ATP1A3: variants seen among roughly 807,000 people sequenced by gnomAD.
ATP1A3 encodes the protein sodium/potassium-transporting ATPase subunit alpha-3.
Under a neutral mutation model 108.8 loss-of-function variants are expected in ATP1A3, and 12 were observed. The ratio of observed to expected loss-of-function variants is 0.11; its 90% CI spans 0.07 to 0.18. ATP1A3 has a LOEUF of 0.18. Among genes scored for constraint, ATP1A3 ranks in the 10% least tolerant of loss-of-function variants. The pLI, the probability that ATP1A3 is intolerant of heterozygous loss-of-function variation, is 1.00. For synonymous variants in ATP1A3, 539 were observed against 564.5 expected, an observed-to-expected ratio of 0.95 and a Z score of 0.64; for missense variants, 498 against 1,387.7, an observed-to-expected ratio of 0.36 and a Z score of 10.19.
rs2075198035 is a variant in ATP1A3, at chr19:41,978,660, C to G, written c.1576G>C (p.Glu526Gln). Residue 526 changes from glutamate (E) to glutamine (Q), a missense_variant, in exon 12 of 23, where the codon GAG becomes CAG. Physicochemically the swap from Glu to Gln is conservative, Grantham distance 29. Around this residue, in one of 9 missense-constraint regions of ATP1A3, gnomAD observed 92 missense variants for 168.7 expected, o/e 0.55. Transcript: ENST00000648268. The surrounding 1 kb of genome is among the most constrained non-coding windows in gnomAD (Gnocchi z 8.3). ...KEQPLDEEMK[E>Q]AFQNAYLELG... ...TCAAGGTAGGCATTCTGGAAGGCCT[C>G]CTTCATTTCCTCGTCCAGAGGCTGC... 5 of 1,613,966 alleles carry G rather than the reference C, an allele frequency of 3.1e-6. No homozygotes were observed. Among genetic ancestry groups the G allele is most frequent in the Non-Finnish European group, 4.2e-6 (5 of 1,180,026 alleles).
rs1346647338 is a variant in ATP1A3, at chr19:41,966,686, G to C, written c.*251C>G. On this transcript the variant is annotated 3_prime_UTR_variant, in exon 23 of 23. Transcript: ENST00000648268. Reference sequence around the variant, plus strand: ...AAGAGCCCAGGGAGGTGGCTGGGGCGGGAGGAATGGATAGAGGGGTGAGGA... The same window carrying C: ...AAGAGCCCAGGGAGGTGGCTGGGGCCGGAGGAATGGATAGAGGGGTGAGGA... 1.3e-6 allele frequency: 2 copies of C among 1,534,236 alleles called. No individual in the cohort carries two copies. The highest frequency in any genetic ancestry group is 4.0e-5 in the Admixed American group (2 of 50,354).
Position 41,981,527 on chromosome 19 carries a change from G to A in ATP1A3, c.1412C>T (p.Pro471Leu), listed in dbSNP as rs781811202. 1 of 1,614,184 alleles carries A rather than the reference G, an allele frequency of 6.2e-7. No homozygotes were observed. The highest frequency in any genetic ancestry group is 1.1e-5 in the South Asian group (1 of 91,082). The stretch of plus-strand genomic sequence containing the variant: ...CTGGTATTTGTTGGTGGAATTGAAG[G>A]GAATCTCAGCCACTTTCTTGTTGCG... Reference protein sequence around the residue: ...RERNKKVAEIPFNSTNKYQLS... With the variant: ...RERNKKVAEILFNSTNKYQLS... Residue 471 changes from proline to leucine, a missense_variant, in exon 11 of 23, where the codon CCC (proline) becomes CTC (leucine). By Grantham distance (98) the Pro-to-Leu change is moderately conservative. This residue lies in a region of ATP1A3 where 92 missense variants were observed against 168.7 expected (regional missense o/e 0.55). Transcript: ENST00000648268. This position sits in a 1 kb window ranked among gnomAD's most constrained non-coding sequence, Gnocchi z 5.0.
At position 41,985,823 on chromosome 19, in the gene ATP1A3, G is replaced by A; in HGVS notation, c.606+41C>T. 2 of 1,610,504 alleles carry A rather than the reference G, an allele frequency of 1.2e-6. No individual in the cohort carries two copies. Among genetic ancestry groups the A allele is most frequent in the Non-Finnish European group, 1.7e-6 (2 of 1,179,512 alleles). On this transcript the variant is annotated intron_variant, in intron 6 of 22. Coordinates refer to ENST00000648268, the MANE Select transcript of ATP1A3 (RefSeq NM_152296.5). This position sits in a 1 kb window ranked among gnomAD's most constrained non-coding sequence, Gnocchi z 8.2. Reference sequence around the variant, plus strand: ...GGGGCTGGGCCTGAGCTCCTGGGCAGCCCGAGGGAGGGTAAAGCCGGGCCC... The same window carrying A: ...GGGGCTGGGCCTGAGCTCCTGGGCAACCCGAGGGAGGGTAAAGCCGGGCCC...
chr19:41,966,868 G>A lies in ATP1A3; in HGVS notation c.*69C>T. ...CTCCTCCCCCCAGAATACAAAATTG[G>A]GGGGACTGACAGGGGCGGTCCTGGG... On this transcript the variant is annotated 3_prime_UTR_variant, in exon 23 of 23. Coordinates refer to ENST00000648268, the MANE Select transcript of ATP1A3 (RefSeq NM_152296.5). The A allele has an allele frequency of 1.3e-6, 2 of 1,549,800 alleles. No individual in the cohort carries two copies. The highest frequency in any genetic ancestry group is 1.7e-6 in the Non-Finnish European group (2 of 1,146,094).
Position 41,966,769 on chromosome 19 carries a change from A to T in ATP1A3, c.*168T>A. 6.6e-7 allele frequency: 1 copy of T among 1,518,700 alleles called. No homozygotes were observed. Among genetic ancestry groups the T allele is most frequent in the Non-Finnish European group, 8.9e-7 (1 of 1,124,602 alleles). The allele number at this position is 1,518,700 out of a possible 1,614,324, so 94.1% of individuals were successfully genotyped here. A position where few individuals can be genotyped will look rare whatever the true frequency, so the allele number is the denominator to read the frequency against. On this transcript the variant is annotated 3_prime_UTR_variant, in exon 23 of 23. Transcript: ENST00000648268. ...GAGAGAGGTTTGGGGCAGGGGAGAG[A>T]AGCCAGCCAGAGTGGGGGCGGCAGG...
chr19:41,972,799 G>A, intron 16 of ATP1A3, among the ~76,000 whole-genome samples: 1 of 137,392 alleles, frequency 7.3e-6, no homozygotes, highest in African/African-American at 2.7e-5. Context: ...AAGGAAGGAA[G>A]GAAGGGGAAG....
intron 4 of ATP1A3, 108 bp downstream of exon 4, chr19:41,987,828 A>G (rs561076798): frequency 5.9e-6 from 8 of 1,356,674 alleles, no homozygotes; most frequent in African/African-American, 5.7e-5. Flanking sequence ...GATGGGAAAA[A>G]GGGGGAGAGT....
Position 41,967,091 on chromosome 19 carries a change from C to A in ATP1A3, c.3014-126G>T. On this transcript the variant is annotated intron_variant, in intron 22 of 22. Coordinates refer to ENST00000648268, the MANE Select transcript of ATP1A3 (RefSeq NM_152296.5). This position sits in a 1 kb window ranked among gnomAD's most constrained non-coding sequence, Gnocchi z 4.2. ...CAAGGAAACCACACAGACAGAGACC[C>A]GTGAGAAGACAGAGTGGGTGCCCGG... The A allele has an allele frequency of 1.3e-6, 2 of 1,551,928 alleles. No individual in the cohort carries two copies. The highest frequency in any genetic ancestry group is 1.2e-5 in the South Asian group (1 of 83,976).
chr19:41,969,286 C>T, intron 19 of ATP1A3, 149 bp downstream of exon 19: 1 of 1,365,624 alleles, frequency 7.3e-7, no homozygotes, highest in Non-Finnish European at 1.0e-6. Context: ...GGGCCAAGGG[C>T]ATCCAGGAAG....
At chr19:41,969,607 G>T (rs1333353791) in intron 18 of ATP1A3, 27 bp from the exon 19 acceptor site, 1 of 1,612,518 alleles carries the variant, frequency 6.2e-7, no homozygotes, top group African/African-American at 1.3e-5. Context: ...GGAAGCCGAG[G>T]AGAGGCTCAG....
chr19:41,970,901 G>A (rs2075099681), intron 16 of ATP1A3, among the ~76,000 whole-genome samples: 1 of 151,806 alleles, frequency 6.6e-6, no homozygotes. Flanking sequence ...TGAAGTGCTG[G>A]GATTACAGGC....
Position 41,967,163 on chromosome 19 carries a change from C to G in ATP1A3, c.3013+86G>C, listed in dbSNP as rs527315283. On this transcript the variant is annotated intron_variant, in intron 22 of 22. Transcript: ENST00000648268. The surrounding 1 kb of genome is among the most constrained non-coding windows in gnomAD (Gnocchi z 4.2). ...AGTGGGAACCAGGTGGCAGAGCCAT[C>G]CAGCAGGGCGAGGGGAGCCTGGGAC... is the stretch of plus-strand genomic sequence containing the variant. 3.1e-6 allele frequency: 5 copies of G among 1,598,512 alleles called. No individual in the cohort carries two copies. Among genetic ancestry groups the G allele is most frequent in the South Asian group, 1.1e-5 (1 of 89,164 alleles).
Position 41,970,473 on chromosome 19 carries a change from G to A in ATP1A3, c.2333C>T (p.Thr778Met). ...GGCCATGATGAACAGCAGGAAGGGC[G>A]TGATCTCCGGGATATTGCTGGTCAG... ...YTLTSNIPEI[T>M]PFLLFIMANI... is the part of the protein sequence containing the mutation. Residue 778 changes from threonine (T) to methionine (M), a missense_variant, in exon 17 of 23, where the codon ACG becomes ATG. Around this residue, in one of 9 missense-constraint regions of ATP1A3, gnomAD observed 121 missense variants for 425.1 expected, o/e 0.28. Transcript: ENST00000648268. The A allele has an allele frequency of 6.2e-7, 1 of 1,614,116 alleles. No homozygotes were observed. The highest frequency in any genetic ancestry group is 8.5e-7 in the Non-Finnish European group (1 of 1,180,006).
At chr19:41,987,804 G>C in intron 4 of ATP1A3, 132 bp downstream of exon 4, 1 of 1,211,032 alleles carries the variant, frequency 8.3e-7, no homozygotes, top group Non-Finnish European at 1.2e-6. Context: ...CTCTTGCTGG[G>C]TGATTGTGAG....
intron 4 of ATP1A3, 136 bp from the exon 5 acceptor site, chr19:41,986,365 T>A (rs1875202920): frequency 1.3e-6 from 1 of 756,812 alleles, no homozygotes; most frequent in Non-Finnish European, 2.2e-6. Context: ...AGGTTGGTTA[T>A]GAGGGTTGGT....
chr19:41,981,684 A>G lies in ATP1A3; in HGVS notation c.1302+38T>C, dbSNP rs782483259. 26 of 1,614,206 alleles carry G rather than the reference A, an allele frequency of 1.6e-5. No homozygotes were observed. The African/African-American group carries it at 3.2e-4, about 20-fold the overall frequency. ...GAACAGGGACAGCTGAGGGGAGGAC[A>G]CAGGCAGGGCCGAGGTGAGGCCAGT... On this transcript the variant is annotated intron_variant, in intron 10 of 22. Coordinates refer to ENST00000648268, the MANE Select transcript of ATP1A3 (RefSeq NM_152296.5). This position sits in a 1 kb window ranked among gnomAD's most constrained non-coding sequence, Gnocchi z 5.0.
chr19:41,988,157 C>G lies in ATP1A3; in HGVS notation c.154-18G>C, dbSNP rs1555866105. On this transcript the variant is annotated intron_variant, in intron 3 of 22. Coordinates refer to ENST00000648268, the MANE Select transcript of ATP1A3 (RefSeq NM_152296.5). This position sits in a 1 kb window ranked among gnomAD's most constrained non-coding sequence, Gnocchi z 5.3. ...GTCAAACCCTGAGGGACAGAGGACT[C>G]ACACAGAACCCTCCCTGGGCAACCC... 1.9e-6 allele frequency: 3 copies of G among 1,614,032 alleles called. No individual in the cohort carries two copies. In the African/African-American group the frequency reaches 4.0e-5, roughly 22 times the overall value.
rs781927421 is a variant in ATP1A3, at chr19:41,978,760, T to A, written c.1476A>T (p.Arg492=). The A allele has an allele frequency of 6.2e-7, 1 of 1,613,998 alleles. No homozygotes were observed. The highest frequency in any genetic ancestry group is 8.5e-7 in the Non-Finnish European group (1 of 1,179,972). ...GGGCACCCTTCATCACCAGCAGGTA[T>A]CGGTTGTCGTTGGGGTCCTCGGTCT... is the stretch of plus-strand genomic sequence containing the variant. ...IHETEDPNDN[R]YLLVMKGAPE... The change falls in exon 12 of 23, where the codon CGA becomes CGT. Residue 492 remains arginine (R), a synonymous_variant. Coordinates refer to ENST00000648268, the MANE Select transcript of ATP1A3 (RefSeq NM_152296.5). This position sits in a 1 kb window ranked among gnomAD's most constrained non-coding sequence, Gnocchi z 8.3.
intron 1 of ATP1A3, 142 bp downstream of exon 1, chr19:41,993,929 G>A: frequency 6.8e-7 from 1 of 1,474,338 alleles, no homozygotes. Context: ...CACATGGATT[G>A]GCTGGGTCAG....
Sources: gnomAD v4.1 joint callset for allele counts (sites outside exome capture counted in the v4.1 genomes callset) on GRCh38, gnomAD v4.1.1 for gene constraint, gnomAD v4.1.1 regional missense constraint, Gnocchi (gnomAD v3.1) non-coding constraint, MANE v1.5 for transcripts, NCBI Gene and HGNC (gene_info 2026-07-23, HGNC 2026-07-21) for gene names.